Variants in KANK1 observed in about 807,000 individuals in gnomAD.
KANK1 encodes KN motif and ankyrin repeat domains 1.
A neutral mutation model predicts 106.2 loss-of-function variants in KANK1; 109 were observed. The ratio of observed to expected loss-of-function variants is 1.03; its 90% CI spans 0.88 to 1.20. KANK1 has a LOEUF of 1.20. KANK1 is among the 50% of genes most tolerant of loss of function. The pLI is 0.00. For synonymous variants in KANK1, 873 were observed against 652.2 expected, an observed-to-expected ratio of 1.34 and a Z score of -5.16; for missense variants, 2,399 against 1,710.7, an observed-to-expected ratio of 1.40 and a Z score of -7.10.
intron 2 of KANK1, among the ~76,000 whole-genome samples, chr9:682,374 C>T (rs1424533003): frequency 1.3e-5 from 2 of 151,972 alleles, no homozygotes; most frequent in Non-Finnish European, 2.9e-5. Context: ...CACACTAGGT[C>T]TTATTTTTAG....
chr9:581,586 C>G (rs557486248), intron 1 of KANK1, among the ~76,000 whole-genome samples: 2 of 152,314 alleles, frequency 1.3e-5, no homozygotes, highest in East Asian at 1.9e-4. Context: ...AGTCCACAAA[C>G]TAGAGGTGCA....
intron 10 of KANK1, 104 bp from the exon 11 acceptor site, chr9:744,387 G>C (rs1362082983): frequency 7.5e-7 from 1 of 1,327,378 alleles, no homozygotes; most frequent in Admixed American, 2.3e-5. Flanking sequence ...AGGGATATTT[G>C]GGGAACCTTG....
At chr9:732,787 T>C in intron 6 of KANK1, 170 bp downstream of exon 6, 1 of 644,902 alleles carries the variant, frequency 1.6e-6, no homozygotes, top group Non-Finnish European at 2.6e-6. Context: ...TTACAACTCT[T>C]AGATCTCTTA....
At chr9:596,102 T>C (rs1230436219) in intron 1 of KANK1, among the ~76,000 whole-genome samples, 1 of 151,852 alleles carries the variant, frequency 6.6e-6, no homozygotes, top group East Asian at 1.9e-4. Context: ...TTAATAATTT[T>C]GTGCATGAAA....
chr9:491,275 CT>C (rs997066061), intron 3 of KANK1, among the ~76,000 whole-genome samples: 3,413 of 143,180 alleles, frequency 0.024, 46 homozygotes, highest in Middle Eastern at 0.049. Context: ...AGTGCATTTT[CT>C]TTTTTTTTTT....
intron 2 of KANK1, among the ~76,000 whole-genome samples, chr9:472,762 G>A (rs192613512): frequency 1.2e-3 from 176 of 152,242 alleles, no homozygotes; most frequent in African/African-American, 3.9e-3. Context: ...ATTTTAAGGC[G>A]GTGACAACAG....
intron 1 of KANK1, among the ~76,000 whole-genome samples, chr9:615,778 G>A (rs141358391): frequency 3.3e-5 from 5 of 152,336 alleles, no homozygotes; most frequent in African/African-American, 1.2e-4. Flanking sequence ...ACAGAAGATA[G>A]TGGTAGAGGA....
At chr9:744,459 A>C (rs1476284074) in intron 10 of KANK1, 32 bp from the exon 11 acceptor site, 1 of 1,600,308 alleles carries the variant, frequency 6.2e-7, no homozygotes, top group Non-Finnish European at 8.5e-7. Flanking sequence ...TGAGAAACCC[A>C]ACATGGCTTG....
chr9:582,458 C>T (rs1025358489), intron 1 of KANK1, among the ~76,000 whole-genome samples: 2 of 152,032 alleles, frequency 1.3e-5, no homozygotes, highest in Admixed American at 6.5e-5. Context: ...GTTAATATTC[C>T]TGCAAAGAAA....
At chr9:516,097 G>C (rs541464777) in intron 1 of KANK1, among the ~76,000 whole-genome samples, 9 of 151,614 alleles carry the variant, frequency 5.9e-5, no homozygotes, top group African/African-American at 2.2e-4. Flanking sequence ...TTGCTGATCA[G>C]GGGACAGACA....
chr9:486,475 A>G (rs2058295126), intron 3 of KANK1, among the ~76,000 whole-genome samples: 1 of 152,144 alleles, frequency 6.6e-6, no homozygotes, highest in African/African-American at 2.4e-5. Flanking sequence ...TGGGGTAGGT[A>G]TTATTATTAT....
chr9:591,423 C>G (rs1824848326), intron 1 of KANK1, among the ~76,000 whole-genome samples: 1 of 151,828 alleles, frequency 6.6e-6, no homozygotes, highest in Non-Finnish European at 1.5e-5. Flanking sequence ...CTGAGCTCGT[C>G]ATGGCATTCT....
At chr9:520,538 C>T (rs1352259090) in intron 1 of KANK1, among the ~76,000 whole-genome samples, 2 of 151,624 alleles carry the variant, frequency 1.3e-5, no homozygotes, top group Admixed American at 6.6e-5. Context: ...GGGATATAAT[C>T]CTCTTTCAGG....
chr9:657,489 C>T (rs1392426891), intron 1 of KANK1, among the ~76,000 whole-genome samples: 1 of 152,064 alleles, frequency 6.6e-6, no homozygotes, highest in Non-Finnish European at 1.5e-5. Flanking sequence ...ACAGTTTCAC[C>T]AACAACTCTC....
At chr9:550,882 A>C (rs996155593) in intron 1 of KANK1, among the ~76,000 whole-genome samples, 6 of 152,108 alleles carry the variant, frequency 3.9e-5, no homozygotes, top group African/African-American at 1.2e-4. Flanking sequence ...CAGACTCCAG[A>C]ATAATTTCCT....
intron 2 of KANK1, among the ~76,000 whole-genome samples, chr9:703,934 G>T (rs1190931661): frequency 6.6e-6 from 1 of 152,116 alleles, no homozygotes; most frequent in Non-Finnish European, 1.5e-5. Flanking sequence ...GACTGGTCTT[G>T]AACTCCTGAC....
intron 3 of KANK1, among the ~76,000 whole-genome samples, chr9:715,365 G>GAC (rs58480831): frequency 0.95 from 144,195 of 152,266 alleles, 68,361 homozygotes; most frequent in African/African-American, 0.99. Flanking sequence ...AATACCTCCA[G>GAC]ACAGATGGCA....
intron 1 of KANK1, among the ~76,000 whole-genome samples, chr9:598,615 G>GTTTT (rs1306483082): frequency 1.4e-5 from 1 of 73,330 alleles, no homozygotes; most frequent in African/African-American, 4.7e-5. Flanking sequence ...TGTTTTGTTG[G>GTTTT]TTTTCTTTTT....
Position 742,200 on chromosome 9 carries a change from C to T in KANK1, c.3697-5C>T, listed in dbSNP as rs765114949. On this transcript the variant is annotated splice_polypyrimidine_tract_variant and splice_region_variant and intron_variant, in intron 9 of 11. Transcript: ENST00000382297. The stretch of plus-strand genomic sequence containing the variant: ...TTCTGAAGTCCTTGTCATCTCTTCC[C>T]ATAGGCGGGACAGACGGCCCTCATG... The T allele has an allele frequency of 4.3e-6, 7 of 1,613,834 alleles. No homozygotes were observed. The highest frequency in any genetic ancestry group is 5.9e-6 in the Non-Finnish European group (7 of 1,179,778).
Sources: gnomAD v4.1 joint callset for allele counts (sites outside exome capture counted in the v4.1 genomes callset) on GRCh38, gnomAD v4.1.1 for gene constraint, MANE v1.5 for transcripts, NCBI Gene and HGNC (gene_info 2026-07-23, HGNC 2026-07-21) for gene names.